The following MACF1 variants were observed in gnomAD, a reference collection of about 807,000 sequenced individuals.
MACF1 encodes microtubule actin crosslinking factor 1.
In MACF1, 193 loss-of-function variants were observed where a neutral mutation model predicts 854.8. The ratio of observed to expected loss-of-function variants is 0.23; its 90% confidence interval spans 0.20 to 0.25. The LOEUF is 0.25. Among genes scored for constraint, MACF1 ranks in the 10% least tolerant of loss-of-function variants. The pLI, the probability that MACF1 is intolerant of heterozygous loss-of-function variation, is 1.00. For synonymous variants in MACF1, 3,185 were observed against 3,226.7 expected, an observed-to-expected ratio of 0.99 and a Z score of 0.44; for missense variants, 7,722 against 8,929.1, an observed-to-expected ratio of 0.86 and a Z score of 5.45.
At chr1:39,284,231 G>T (rs747550637) in intron 10 of MACF1, 46 bp downstream of exon 10, 1 of 1,602,592 alleles carries the variant, frequency 6.2e-7, no homozygotes, top group Non-Finnish European at 8.5e-7. Flanking sequence ...TTTCTAGGGA[G>T]TAAGTCTCCA....
intron 78 of MACF1, among the ~76,000 whole-genome samples, 170 bp downstream of exon 78, chr1:39,443,081 T>C (rs992357571): frequency 6.6e-6 from 1 of 152,228 alleles, no homozygotes; most frequent in African/African-American, 2.4e-5. Flanking sequence ...ATTGGGTAGT[T>C]CTTTTCTGAA....
chr1:39,125,203 A>T (rs901818240), intron 2 of MACF1, among the ~76,000 whole-genome samples: 2 of 152,240 alleles, frequency 1.3e-5, no homozygotes, highest in African/African-American at 4.8e-5. Flanking sequence ...CATTCAACAT[A>T]TAGTGATTTC....
Position 39,332,935 on chromosome 1 carries a change from A to G in MACF1, c.6347A>G (p.Asp2116Gly), listed in dbSNP as rs762273459. The G allele has an allele frequency of 5.6e-6, 9 of 1,614,144 alleles. No homozygotes were observed. In the South Asian group the frequency reaches 9.9e-5, roughly 18 times the overall value. Residue 2116 changes from aspartate to glycine, a missense_variant, in exon 37 of 101, where the codon GAC (aspartate) becomes GGC (glycine). By Grantham distance (94) the Asp-to-Gly change is moderately conservative. Transcript: ENST00000564288. ...CAGTTGATAGGTACCCAAAGGGAAG[A>G]CCAAACAGCAGTGTCTGTCAGAGAA... The part of the protein sequence containing the change: ...QRQLIGTQRE[D>G]QTAVSVRENA...
intron 58 of MACF1, among the ~76,000 whole-genome samples, chr1:39,415,844 A>G (rs955964357): frequency 2.0e-5 from 3 of 152,160 alleles, no homozygotes; most frequent in Admixed American, 1.3e-4. Flanking sequence ...TCTGAACACA[A>G]GAGATGACTG....
At chr1:39,370,318 T>G (rs896592023) in intron 51 of MACF1, 132 bp downstream of exon 51, 15 of 776,728 alleles carry the variant, frequency 1.9e-5, no homozygotes, top group African/African-American at 3.5e-5. Flanking sequence ...CAGAAATTCC[T>G]ACGTTTTCTT....
Position 39,287,517 on chromosome 1 carries a change from T to C in MACF1, c.1740T>C (p.Asn580=). 6.2e-7 allele frequency: 1 copy of C among 1,614,190 alleles called. No homozygotes were observed. The highest frequency in any genetic ancestry group is 8.5e-7 in the Non-Finnish European group (1 of 1,180,024). Residue 580 remains asparagine, a synonymous_variant, in exon 15 of 101, where the codon AAT becomes AAC. Transcript: ENST00000564288. The part of the protein sequence containing the change: ...VAISSSEDEG[N]LRFVYELLSW... Reference sequence around the variant, plus strand: ...TCAGCTCCTCTGAAGATGAAGGCAATCTCCGATTTGTGTATGAACTACTGT... The same window carrying C: ...TCAGCTCCTCTGAAGATGAAGGCAACCTCCGATTTGTGTATGAACTACTGT...
In MACF1 at chr1:39,291,896, T is replaced by A. The variant is rs773060729; in HGVS notation, c.1786-14T>A. On this transcript the variant is annotated splice_polypyrimidine_tract_variant and intron_variant, in intron 15 of 100. Coordinates refer to ENST00000564288, the MANE Select transcript of MACF1 (RefSeq NM_001394062.1). ...GCAGTAAATTATGTCATATATATAT[T>A]TTTTCTTTTTCAGATGAAACTGGAG... The A allele has an allele frequency of 4.3e-6, 7 of 1,610,316 alleles. No individual in the cohort carries two copies. Among genetic ancestry groups the A allele is most frequent in the Non-Finnish European group, 5.9e-6 (7 of 1,178,760 alleles).
intron 6 of MACF1, among the ~76,000 whole-genome samples, chr1:39,275,466 G>A (rs12044016): frequency 6.6e-6 from 1 of 152,054 alleles, no homozygotes; most frequent in East Asian, 1.9e-4. Context: ...GCGCACAGTA[G>A]CCATAAACTC....
At chr1:39,119,618 C>G (rs1642643111) in intron 2 of MACF1, among the ~76,000 whole-genome samples, 1 of 152,198 alleles carries the variant, frequency 6.6e-6, no homozygotes, top group Non-Finnish European at 1.5e-5. Context: ...CACAATGTTT[C>G]TTTCCACGTG....
At position 39,486,457 on chromosome 1, in the gene MACF1, G is replaced by A. The variant is rs1308642306; in HGVS notation, c.*663G>A. 2.6e-5 allele frequency: 4 copies of A among 152,660 alleles called. No individual in the cohort carries two copies. The highest frequency in any genetic ancestry group is 2.4e-5 in the African/African-American group (1 of 41,454). The allele number at this position is 152,660 out of a possible 1,614,324, so 9.5% of individuals were successfully genotyped here. On this transcript the variant is annotated 3_prime_UTR_variant, in exon 101 of 101. Transcript: ENST00000564288. ...TAGCTGCTAGAATTCAGGGGTAAAT[G>A]TAAGTGTTCAGAAAACGTCAGAACA... is the stretch of plus-strand genomic sequence containing the variant.
In MACF1 at chr1:39,251,886, C is replaced by T; in HGVS notation, c.302C>T (p.Pro101Leu). Residue 101 changes from proline (P) to leucine (L), a missense_variant, in exon 4 of 101, where the codon CCC becomes CTC. Coordinates refer to ENST00000564288, the MANE Select transcript of MACF1 (RefSeq NM_001394062.1). ...GLKTLRLVSM[P>L]SWCHTNNEEQ... ...AAGACCCTCCGTCTGGTGAGCATGC[C>T]CTCCTGGTGCCATACAAACAACGAG... 2 of 1,515,066 alleles carry T rather than the reference C, an allele frequency of 1.3e-6. No homozygotes were observed. The highest frequency in any genetic ancestry group is 2.5e-5 in the South Asian group (2 of 80,926). The allele number at this position is 1,515,066 out of a possible 1,614,324, so 93.9% of individuals were successfully genotyped here. A position where few individuals can be genotyped will look rare whatever the true frequency, so the allele number is the denominator to read the frequency against.
At position 39,105,725 on chromosome 1, in the gene MACF1, C is replaced by T; in HGVS notation, c.220+21287C>T. On this transcript the variant is annotated intron_variant, in intron 2 of 93. Coordinates refer to the MACF1 transcript ENST00000361689. This position sits in a 1 kb window ranked among gnomAD's most constrained non-coding sequence, Gnocchi z 5.9. ...TGCTGGAGCGGTACAAAGGTAGGGC[C>T]GGGGACTGGCCGGCGCTGAGGCCCG... 2 of 1,159,988 alleles carry T rather than the reference C, an allele frequency of 1.7e-6. No individual in the cohort carries two copies. Among genetic ancestry groups the T allele is most frequent in the Non-Finnish European group, 2.2e-6 (2 of 918,600 alleles). 71.9% of individuals were successfully genotyped at this position (1,159,988 alleles called of 1,614,324 possible).
In MACF1 at chr1:39,430,045, C is replaced by T. The variant is rs915269809; in HGVS notation, c.17107C>T (p.Pro5703Ser). 2 of 1,613,666 alleles carry T rather than the reference C, an allele frequency of 1.2e-6. No homozygotes were observed. Among genetic ancestry groups the T allele is most frequent in the Admixed American group, 1.7e-5 (1 of 59,950 alleles). The change falls in exon 65 of 101, where the codon CCC becomes TCC. Residue 5703 changes from proline (P) to serine (S), a missense_variant. This residue lies in a region of MACF1 where 2,807 missense variants were observed against 3,235.8 expected (regional missense o/e 0.87). Transcript: ENST00000564288. ...ACAGTCTCCCACAGGGGAACAGATACCCCAGTTTCAGCAGAGACAGAAGGT... is the reference window on the plus strand; with the variant it reads ...ACAGTCTCCCACAGGGGAACAGATATCCCAGTTTCAGCAGAGACAGAAGGT... ...GGQSPTGEQI[P>S]QFQQRQKELK... is the part of the protein sequence containing the mutation.
chr1:39,305,260 C>CAA (rs925943198), intron 23 of MACF1, among the ~76,000 whole-genome samples: 3 of 66,054 alleles, frequency 4.5e-5, no homozygotes, highest in Non-Finnish European at 3.1e-5. Flanking sequence ...GACTCTGTCT[C>CAA]AAAAAAAAAA....
At chr1:39,396,766 C>G (rs1642290390) in intron 58 of MACF1, among the ~76,000 whole-genome samples, 1 of 152,158 alleles carries the variant, frequency 6.6e-6, no homozygotes, top group Non-Finnish European at 1.5e-5. Flanking sequence ...AATAAAATGA[C>G]TTCCACAGGG....
At position 39,453,763 on chromosome 1, in the gene MACF1, G is replaced by A. The variant is rs768787109; in HGVS notation, c.20799G>A (p.Met6933Ile). 1.4e-5 allele frequency: 22 copies of A among 1,614,034 alleles called. No homozygotes were observed. The highest frequency in any genetic ancestry group is 1.9e-5 in the Non-Finnish European group (22 of 1,180,000). Residue 6933 changes from methionine (M) to isoleucine (I), a missense_variant, in exon 88 of 101, where the codon ATG becomes ATA. Coordinates refer to ENST00000564288, the MANE Select transcript of MACF1 (RefSeq NM_001394062.1). ...KRVDVNSAVA[M>I]GEVILAVCHP... ...TGGACGTTAACTCAGCAGTAGCCAT[G>A]GGAGAAGTCATCCTGGCTGTCTGCC... is the stretch of plus-strand genomic sequence containing the variant.
At position 39,310,889 on chromosome 1, in the gene MACF1, A is replaced by G. The variant is rs1470863450; in HGVS notation, c.3159A>G (p.Leu1053=). Residue 1053 remains leucine, a synonymous_variant, in exon 26 of 101, where the codon CTA becomes CTG. Coordinates refer to ENST00000564288, the MANE Select transcript of MACF1 (RefSeq NM_001394062.1). ...MYISELKNIR[L]RLEEYEQRVV... ...TTTCAGAGTTGAAGAACATCCGGCT[A>G]CGCCTGGAGGAGTATGAACAGAGGG... The G allele has an allele frequency of 6.2e-7, 1 of 1,614,212 alleles. No homozygotes were observed. The highest frequency in any genetic ancestry group is 2.2e-5 in the East Asian group (1 of 44,886).
chr1:39,314,563 TCTCTCTCACACA>T (rs1374760924), intron 26 of MACF1, among the ~76,000 whole-genome samples: 2 of 43,880 alleles, frequency 4.6e-5, no homozygotes, highest in African/African-American at 8.1e-5. Context: ...TCTCTCTCTC[TCTCTCTCACACA>T]CACACACACA....
At chr1:39,453,603 T>C in intron 87 of MACF1, 104 bp from the exon 88 acceptor site, 1 of 993,668 alleles carries the variant, frequency 1.0e-6, no homozygotes, top group Middle Eastern at 2.9e-4. Context: ...CGTTAACACA[T>C]GGAGGAAAAA....
Sources: allele counts gnomAD v4.1 joint callset (sites outside exome capture counted in the v4.1 genomes callset), GRCh38; gene constraint gnomAD v4.1.1; regional missense constraint gnomAD v4.1.1; non-coding constraint Gnocchi (gnomAD v3.1); transcripts MANE v1.5; gene names NCBI Gene and HGNC (gene_info 2026-07-23, HGNC 2026-07-21).